Variants in LUZP2 observed in about 807,000 individuals in gnomAD.
The protein encoded by LUZP2 is leucine zipper protein 2.
LUZP2 carries 52 observed loss-of-function variants against 51.6 expected under a neutral mutation model. The ratio of observed to expected loss-of-function variants is 1.01; its 90% CI spans 0.81 to 1.27. The LOEUF is 1.27. Among genes scored for constraint, LUZP2 ranks in the 50% most tolerant of loss-of-function variants. The probability of loss-of-function intolerance (pLI) is 0.00; values close to 1 mark genes in which losing one functional copy is unlikely to be tolerated. For missense variants in LUZP2, 436 were observed against 395.4 expected (o/e 1.10, Z -0.87); for synonymous variants, 154 against 137.3 (o/e 1.12, Z -0.85).
intron 1 of LUZP2, among the ~76,000 whole-genome samples, chr11:24,514,149 A>G (rs1850393586): frequency 6.6e-6 from 1 of 152,178 alleles, no homozygotes; most frequent in South Asian, 2.1e-4. Context: ...GGGGCTGTGG[A>G]AGAGGAGTCT....
At chr11:25,018,038 T>TTTC (rs1554955718) in intron 9 of LUZP2, among the ~76,000 whole-genome samples, 1 of 19,012 alleles carries the variant, frequency 5.3e-5, no homozygotes, top group Non-Finnish European at 1.6e-4. Flanking sequence ...TTTGTTTCTG[T>TTTC]TTTTTTTTTG....
rs192976029 is a variant in LUZP2 at position 24,994,315 on chromosome 11, G to A, written c.765+11022G>A. 1.7e-4 allele frequency among the ~76,000 whole-genome samples: 26 copies of A among 152,188 alleles called. No individual in the cohort carries two copies. In the East Asian group the frequency reaches 5.0e-3, roughly 29 times the overall value. ...ATTTAATTTGAGTTTACTTCTATAT[G>A]TTGTATTTGGTAGTGATCAAACTTC... On this transcript the variant is annotated intron_variant, in intron 9 of 11. Transcript: ENST00000336930.
chr11:24,546,953 GT>G, intron 1 of LUZP2, among the ~76,000 whole-genome samples: 1 of 101,174 alleles, frequency 9.9e-6, no homozygotes. Flanking sequence ...TGTTGTTGTT[GT>G]TGTTGTTGTT....
intron 7 of LUZP2, among the ~76,000 whole-genome samples, chr11:24,937,611 G>A (rs551941274): frequency 7.2e-5 from 11 of 152,128 alleles, no homozygotes; most frequent in Non-Finnish European, 1.0e-4. Flanking sequence ...CAAGAAATAC[G>A]TCATATGTGG....
intron 1 of LUZP2, among the ~76,000 whole-genome samples, chr11:24,554,965 G>A (rs1851822905): frequency 6.6e-6 from 1 of 152,074 alleles, no homozygotes; most frequent in South Asian, 2.1e-4. Context: ...CTACTATGGT[G>A]TCTTGAGGCA....
intron 1 of LUZP2, among the ~76,000 whole-genome samples, chr11:24,595,453 C>G (rs115239974): frequency 1.3e-5 from 2 of 152,164 alleles, no homozygotes; most frequent in Admixed American, 1.3e-4. Flanking sequence ...AATTCATTCT[C>G]TTCGGGGGCA....
intron 9 of LUZP2, among the ~76,000 whole-genome samples, chr11:25,038,384 G>A (rs979745518): frequency 6.6e-6 from 1 of 152,036 alleles, no homozygotes; most frequent in Non-Finnish European, 1.5e-5. Context: ...TGGCCCATAG[G>A]CACTGTAAAA....
intron 7 of LUZP2, among the ~76,000 whole-genome samples, chr11:24,937,118 A>T (rs1010315361): frequency 2.6e-5 from 4 of 152,232 alleles, no homozygotes; most frequent in Non-Finnish European, 4.4e-5. Flanking sequence ...GGACTGCATT[A>T]CATGCTTCAA....
chr11:24,642,674 G>A (rs1855330417), intron 1 of LUZP2, among the ~76,000 whole-genome samples: 1 of 151,834 alleles, frequency 6.6e-6, no homozygotes, highest in East Asian at 1.9e-4. Flanking sequence ...AGAGTGTAAG[G>A]AAGACTTTAT....
chr11:25,080,931 T>G lies in LUZP2; in HGVS notation c.*2273T>G, dbSNP rs886138601. ...AGAACTCAGGTTGATATTAATCATGTTTTTATCAATCTTCATTTTAAAGTT... is the reference window on the plus strand; with the variant it reads ...AGAACTCAGGTTGATATTAATCATGGTTTTATCAATCTTCATTTTAAAGTT... On this transcript the variant is annotated 3_prime_UTR_variant, in exon 12 of 12. Coordinates refer to ENST00000336930, the MANE Select transcript of LUZP2 (RefSeq NM_001009909.4). 2 of 151,908 alleles carry G rather than the reference T, an allele frequency of 1.3e-5. No individual in the cohort carries two copies. The highest frequency in any genetic ancestry group is 1.3e-4 in the Admixed American group (2 of 15,252). The allele number at this position is 151,908 out of a possible 1,614,324, so 9.4% of individuals were successfully genotyped here. A position where few individuals can be genotyped will look rare whatever the true frequency, so the allele number is the denominator to read the frequency against.
intron 9 of LUZP2, among the ~76,000 whole-genome samples, chr11:25,010,101 T>G (rs1856940100): frequency 1.3e-5 from 2 of 152,230 alleles, no homozygotes; most frequent in African/African-American, 4.8e-5. Flanking sequence ...TAGCTTACAC[T>G]GTTTTTTAAA....
chr11:24,948,628 C>T (rs760116337), intron 7 of LUZP2, among the ~76,000 whole-genome samples: 2 of 151,710 alleles, frequency 1.3e-5, no homozygotes, highest in African/African-American at 4.8e-5. Context: ...ACAAGAAACA[C>T]TTCTTAATCC....
At chr11:24,987,513 T>C (rs530151587) in intron 9 of LUZP2, among the ~76,000 whole-genome samples, 2 of 152,096 alleles carry the variant, frequency 1.3e-5, no homozygotes, top group South Asian at 4.1e-4. Context: ...AGGCTATTAC[T>C]GTTTCTTTTC....
intron 1 of LUZP2, among the ~76,000 whole-genome samples, chr11:24,503,221 A>T (rs1052177314): frequency 3.0e-5 from 4 of 132,424 alleles, no homozygotes; most frequent in African/African-American, 1.0e-4. Flanking sequence ...TAACATTCTG[A>T]CTATTACATG....
chr11:24,682,947 T>C (rs1412830367), intron 1 of LUZP2, among the ~76,000 whole-genome samples: 2 of 151,976 alleles, frequency 1.3e-5, no homozygotes, highest in African/African-American at 4.8e-5. Flanking sequence ...GAGGTTGCAG[T>C]GAGCCGAGAT....
chr11:24,631,806 A>C (rs1006766138), intron 1 of LUZP2, among the ~76,000 whole-genome samples: 6 of 151,936 alleles, frequency 3.9e-5, no homozygotes, highest in Non-Finnish European at 7.4e-5. Flanking sequence ...CTGTGAATCT[A>C]TCTAGTCCTG....
chr11:24,781,406 A>G (rs1849086498), intron 5 of LUZP2, among the ~76,000 whole-genome samples: 1 of 152,026 alleles, frequency 6.6e-6, no homozygotes, highest in Non-Finnish European at 1.5e-5. Flanking sequence ...CCTCAGAGAT[A>G]TTTCTTACTG....
In LUZP2 at chr11:24,767,994, A is replaced by C. The variant is rs1212874336; in HGVS notation, c.396+4686A>C. ...TTTCTTTTTTTTTTGAATTTTATTT[A>C]TTTTACTCCTAAGATAAAATCAATT... On this transcript the variant is annotated intron_variant, in intron 5 of 11. Transcript: ENST00000336930. 2.0e-5 allele frequency among the ~76,000 whole-genome samples: 3 copies of C among 148,188 alleles called. No homozygotes were observed. In the South Asian group the frequency reaches 6.3e-4, roughly 31 times the overall value.
chr11:24,873,489 G>A (rs914766109), intron 5 of LUZP2, among the ~76,000 whole-genome samples: 26 of 152,270 alleles, frequency 1.7e-4, no homozygotes, highest in African/African-American at 6.0e-4. Context: ...CATTCGCTAA[G>A]TATGACTTTC....
Sources: allele counts gnomAD v4.1 joint callset (sites outside exome capture counted in the v4.1 genomes callset), GRCh38; gene constraint gnomAD v4.1.1; transcripts MANE v1.5; gene names NCBI Gene and HGNC (gene_info 2026-07-23, HGNC 2026-07-21).